PRIMA1: variants seen among roughly 807,000 people sequenced by gnomAD.
PRIMA1 encodes the protein proline-rich membrane anchor 1.
PRIMA1 carries 7 observed loss-of-function variants against 17.5 expected under a neutral mutation model. The ratio of observed to expected loss-of-function variants is 0.40; its 90% CI spans 0.23 to 0.75. The LOEUF is 0.75. PRIMA1 is among the 30% of genes least tolerant of loss of function. PRIMA1 has a pLI of 0.37. For missense variants in PRIMA1, 200 were observed against 201.8 expected, an observed-to-expected ratio of 0.99 and a Z score of 0.05; for synonymous variants, 97 against 77.9, an observed-to-expected ratio of 1.25 and a Z score of -1.29.
intron 4 of PRIMA1, among the ~76,000 whole-genome samples, chr14:93,725,263 C>T (rs1485899545): frequency 2.0e-5 from 3 of 150,510 alleles, no homozygotes; most frequent in East Asian, 1.9e-4. Flanking sequence ...TTCGGGAGCC[C>T]GCGCGTGGTG....
At position 93,721,503 on chromosome 14, in the gene PRIMA1, A is replaced by G. The variant is rs1201861444; in HGVS notation, c.403T>C (p.Tyr135His). 1 of 1,613,236 alleles carries G rather than the reference A, an allele frequency of 6.2e-7. No individual in the cohort carries two copies. Among genetic ancestry groups the G allele is most frequent in the Non-Finnish European group, 8.5e-7 (1 of 1,179,856 alleles). Residue 135 changes from tyrosine to histidine, a missense_variant, in exon 5 of 5, where the codon TAT (tyrosine) becomes CAT (histidine). Physicochemically the swap from Tyr to His is moderately conservative, Grantham distance 83 (BLOSUM62 2). Transcript: ENST00000393140. ...KDENGTSVAE[Y>H]PMSASQSNKG... ...TTGCTCTGCGAAGCACTCATGGGAT[A>G]CTCAGCAACGCTGGTGCCATTTTCG...
intron 4 of PRIMA1, among the ~76,000 whole-genome samples, chr14:93,723,356 CCA>C (rs2076054842): frequency 6.6e-6 from 1 of 152,144 alleles, no homozygotes; most frequent in African/African-American, 2.4e-5. Flanking sequence ...CTCCCCAGAG[CCA>C]CAGTCAGAAG....
chr14:93,763,916 G>A (rs1884808897), intron 3 of PRIMA1, among the ~76,000 whole-genome samples: 1 of 152,070 alleles, frequency 6.6e-6, no homozygotes, highest in Non-Finnish European at 1.5e-5. Context: ...ACCAGCCAAT[G>A]CCTCCTCTGC....
chr14:93,735,599 C>T (rs2076144679), intron 4 of PRIMA1, among the ~76,000 whole-genome samples: 1 of 152,172 alleles, frequency 6.6e-6, no homozygotes, highest in African/African-American at 2.4e-5. Context: ...CCCACCAAGC[C>T]TGGCACAAAG....
chr14:93,776,000 T>C (rs1885209603), intron 3 of PRIMA1, among the ~76,000 whole-genome samples: 1 of 152,196 alleles, frequency 6.6e-6, no homozygotes, highest in African/African-American at 2.4e-5. Flanking sequence ...AAAGTCAGCC[T>C]CAGGACTTCC....
chr14:93,756,775 C>G (rs1449839540), intron 3 of PRIMA1, among the ~76,000 whole-genome samples: 1 of 152,152 alleles, frequency 6.6e-6, no homozygotes. Context: ...CTCTCCTCCC[C>G]CAATCCTCCA....
At chr14:93,735,936 G>T (rs896049833) in intron 4 of PRIMA1, among the ~76,000 whole-genome samples, 1 of 152,068 alleles carries the variant, frequency 6.6e-6, no homozygotes, top group Non-Finnish European at 1.5e-5. Context: ...TGATCCACCC[G>T]CCTCCACCTC....
chr14:93,739,058 T>G (rs1185472857), intron 3 of PRIMA1, among the ~76,000 whole-genome samples: 1 of 142,256 alleles, frequency 7.0e-6, no homozygotes, highest in African/African-American at 2.7e-5. Context: ...TTTTTCTTTC[T>G]TTTTTTTTTT....
intron 4 of PRIMA1, among the ~76,000 whole-genome samples, chr14:93,734,435 G>GC (rs1486736740): frequency 6.6e-6 from 1 of 152,144 alleles, no homozygotes; most frequent in Non-Finnish European, 1.5e-5. Context: ...AGTTCCAACC[G>GC]CAACTCCTGC....
intron 3 of PRIMA1, among the ~76,000 whole-genome samples, chr14:93,738,669 A>G (rs2076166231): frequency 6.6e-6 from 1 of 152,196 alleles, no homozygotes; most frequent in South Asian, 2.1e-4. Context: ...GATTTTTATC[A>G]AAGTGTAATC....
intron 4 of PRIMA1, among the ~76,000 whole-genome samples, chr14:93,728,932 T>C (rs2076097083): frequency 6.6e-6 from 1 of 152,034 alleles, no homozygotes; most frequent in South Asian, 2.1e-4. Context: ...GGGGGACAAA[T>C]AAGTCCAAAG....
intron 3 of PRIMA1, among the ~76,000 whole-genome samples, chr14:93,743,032 G>A (rs1279529240): frequency 1.3e-5 from 2 of 152,248 alleles, no homozygotes; most frequent in Non-Finnish European, 2.9e-5. Flanking sequence ...CAGATAGCGA[G>A]TAGGTTGGAA....
Position 93,787,741 on chromosome 14 carries a change from T to C in PRIMA1, c.-23A>G. Reference sequence around the variant, plus strand: ...CATCTCGGCCAGCGGCGCCCGCTCCTGGGGCGAACTGTCAGGAGAGCAAGG... The same window carrying C: ...CATCTCGGCCAGCGGCGCCCGCTCCCGGGGCGAACTGTCAGGAGAGCAAGG... On this transcript the variant is annotated 5_prime_UTR_variant, in exon 2 of 5. Transcript: ENST00000393140. The C allele has an allele frequency of 1.9e-6, 3 of 1,540,646 alleles. No homozygotes were observed. The highest frequency in any genetic ancestry group is 2.6e-6 in the Non-Finnish European group (3 of 1,146,182).
In PRIMA1 at chr14:93,722,703, A is replaced by G. The variant is rs576923513; in HGVS notation, c.360-1157T>C. Reference sequence around the variant, plus strand: ...GGGTGATGATGGTAATGATGATGATAGTGGTGGTTAGCGTAATGGTTGTGA... The same window carrying G: ...GGGTGATGATGGTAATGATGATGATGGTGGTGGTTAGCGTAATGGTTGTGA... On this transcript the variant is annotated intron_variant, in intron 4 of 4. Coordinates refer to ENST00000393140, the MANE Select transcript of PRIMA1 (RefSeq NM_178013.4). Among the ~76,000 whole-genome samples, 21 of 9,878 alleles carry G rather than the reference A, an allele frequency of 2.1e-3. 1 individual carries two copies. The highest frequency in any genetic ancestry group is 0.017 in the South Asian group (7 of 404). 6.5% of individuals were successfully genotyped at this position (9,878 alleles called of 152,430 possible).
intron 4 of PRIMA1, among the ~76,000 whole-genome samples, chr14:93,724,880 G>T (rs555199106): frequency 2.0e-5 from 3 of 152,150 alleles, no homozygotes; most frequent in Non-Finnish European, 4.4e-5. Flanking sequence ...AAATGAAGGC[G>T]GCATGGAGCT....
intron 2 of PRIMA1, among the ~76,000 whole-genome samples, chr14:93,781,511 C>G (rs1885374890): frequency 6.6e-6 from 1 of 152,232 alleles, no homozygotes; most frequent in Non-Finnish European, 1.5e-5. Context: ...AAGGTGCAAT[C>G]TATGAGAGAG....
chr14:93,773,187 G>T (rs1307943091), intron 3 of PRIMA1, among the ~76,000 whole-genome samples: 2 of 152,214 alleles, frequency 1.3e-5, no homozygotes, highest in East Asian at 3.9e-4. Flanking sequence ...TGAGCACAAA[G>T]TTTCTGCCCA....
intron 3 of PRIMA1, among the ~76,000 whole-genome samples, chr14:93,774,587 G>A (rs1885155506): frequency 6.6e-6 from 1 of 152,134 alleles, no homozygotes; most frequent in African/African-American, 2.4e-5. Context: ...GTCTGCTTTG[G>A]CCACTCCCTC....
At chr14:93,758,594 C>CAAAA (rs34329291) in intron 3 of PRIMA1, among the ~76,000 whole-genome samples, 5 of 81,326 alleles carry the variant, frequency 6.1e-5, no homozygotes, top group East Asian at 3.8e-4. Flanking sequence ...GCAAGACTCT[C>CAAAA]AAAAAAAAAA....
Sources: gnomAD v4.1 joint callset for allele counts (sites outside exome capture counted in the v4.1 genomes callset) on GRCh38, gnomAD v4.1.1 for gene constraint, MANE v1.5 for transcripts, NCBI Gene and HGNC (gene_info 2026-07-23, HGNC 2026-07-21) for gene names.